DPP10: variants seen among roughly 807,000 people sequenced by gnomAD.
The protein encoded by DPP10 is inactive dipeptidyl peptidase 10.
A neutral mutation model predicts 120.9 loss-of-function variants in DPP10; 33 were observed. The observed-to-expected ratio is 0.27, with a 90% CI of 0.21 to 0.37. The LOEUF (loss-of-function observed/expected upper bound fraction) is 0.37, where lower values mean the gene tolerates loss of function less well. DPP10 is among the 10% of genes least tolerant of loss of function. The pLI is 1.00. For synonymous variants in DPP10, 337 were observed against 326.1 expected (o/e 1.03, Z -0.36); for missense variants, 816 against 942.8 (o/e 0.87, Z 1.76).
chr2:115,841,326 A>T (rs1021097029), intron 25 of DPP10, among the ~76,000 whole-genome samples: 1 of 152,174 alleles, frequency 6.6e-6, no homozygotes, highest in Admixed American at 6.5e-5. Context: ...TTGCACTACC[A>T]TTTATGTCTG....
chr2:115,255,968 A>G (rs549671630), intron 1 of DPP10, among the ~76,000 whole-genome samples: 47 of 152,248 alleles, frequency 3.1e-4, no homozygotes, highest in African/African-American at 1.1e-3. Context: ...CCTGTTACCC[A>G]GTTCAAAAGC....
At chr2:115,212,364 C>T (rs896805962) in intron 1 of DPP10, among the ~76,000 whole-genome samples, 1 of 152,208 alleles carries the variant, frequency 6.6e-6, no homozygotes, top group Non-Finnish European at 1.5e-5. Flanking sequence ...CAGTGTTTCT[C>T]TTTGCCAAAG....
chr2:115,063,195 A>T (rs1233606149), intron 1 of DPP10, among the ~76,000 whole-genome samples: 1 of 152,112 alleles, frequency 6.6e-6, no homozygotes, highest in Non-Finnish European at 1.5e-5. Context: ...TCTTCTTTTG[A>T]GAAGTGTCTG....
chr2:115,227,341 G>A (rs9308711), intron 1 of DPP10, among the ~76,000 whole-genome samples: 120,641 of 152,100 alleles, frequency 0.79, 48,110 homozygotes, highest in East Asian at 0.89. Context: ...AATCATGTAT[G>A]AATAGTCTTC....
intron 3 of DPP10, among the ~76,000 whole-genome samples, chr2:115,449,973 A>G (rs1438400609): frequency 6.6e-6 from 1 of 152,046 alleles, no homozygotes; most frequent in African/African-American, 2.4e-5. Context: ...TTTTACCCCA[A>G]AAGCCCAAGA....
At chr2:114,628,066 C>A (rs564874262) in intron 1 of DPP10, among the ~76,000 whole-genome samples, 1 of 152,184 alleles carries the variant, frequency 6.6e-6, no homozygotes, top group South Asian at 2.1e-4. Context: ...AATATGAAAT[C>A]TTACTTTCAA....
chr2:114,629,165 A>G (rs1410729662), intron 1 of DPP10, among the ~76,000 whole-genome samples: 1 of 151,236 alleles, frequency 6.6e-6, no homozygotes, highest in African/African-American at 2.5e-5. Context: ...CTCGTTGATA[A>G]GATAAAAGCT....
intron 1 of DPP10, among the ~76,000 whole-genome samples, chr2:115,111,430 A>G (rs2049213012): frequency 1.3e-5 from 2 of 152,102 alleles, no homozygotes; most frequent in Non-Finnish European, 2.9e-5. Context: ...AGATTGAGTA[A>G]AAGAAAAAGC....
intron 1 of DPP10, among the ~76,000 whole-genome samples, chr2:114,466,004 C>T (rs907331444): frequency 1.3e-5 from 2 of 152,152 alleles, no homozygotes; most frequent in Non-Finnish European, 1.5e-5. Flanking sequence ...CCCACCCCTA[C>T]CTGCCTCTGG....
intron 1 of DPP10, among the ~76,000 whole-genome samples, chr2:115,143,645 T>G (rs554001344): frequency 6.6e-6 from 1 of 152,352 alleles, no homozygotes; most frequent in Admixed American, 6.5e-5. Context: ...TAGAGTCCAG[T>G]GGGCTTGATC....
At chr2:114,728,633 A>G (rs907958142) in intron 1 of DPP10, among the ~76,000 whole-genome samples, 22 of 152,138 alleles carry the variant, frequency 1.4e-4, no homozygotes, top group Non-Finnish European at 2.8e-4. Flanking sequence ...GGTTCACTAG[A>G]TAAGTAAGAT....
rs1573629213 is a variant in DPP10, at chr2:114,550,226, CA to C, written c.60+107390del. Among the ~76,000 whole-genome samples, 3 of 152,278 alleles carry C rather than the reference CA, an allele frequency of 2.0e-5. No individual in the cohort carries two copies. The East Asian group carries it at 5.8e-4, about 29-fold the overall frequency. ...TTCCTCAACATTCCCACACCATTCT[CA>C]AGACAAATCCCAAGGGTGTGAGCAT... On this transcript the variant is annotated intron_variant, in intron 1 of 25. Coordinates refer to ENST00000410059, the MANE Select transcript of DPP10 (RefSeq NM_020868.6).
At chr2:115,708,790 C>T (rs2092220015) in intron 7 of DPP10, among the ~76,000 whole-genome samples, 1 of 151,918 alleles carries the variant, frequency 6.6e-6, no homozygotes, top group African/African-American at 2.4e-5. Context: ...ACCACTTCAC[C>T]CTTTAAAATT....
At chr2:114,516,122 C>T (rs934279612) in intron 1 of DPP10, among the ~76,000 whole-genome samples, 1 of 152,130 alleles carries the variant, frequency 6.6e-6, no homozygotes, top group Non-Finnish European at 1.5e-5. Context: ...AGCATCTTCC[C>T]AGGTGCTGCA....
chr2:114,956,860 C>T (rs1040491902), intron 1 of DPP10, among the ~76,000 whole-genome samples: 11 of 151,612 alleles, frequency 7.3e-5, no homozygotes, highest in African/African-American at 2.7e-4. Context: ...ACAGTCTCTT[C>T]AATAACTGGT....
chr2:115,183,108 G>A (rs184890878), intron 1 of DPP10, among the ~76,000 whole-genome samples: 1 of 152,238 alleles, frequency 6.6e-6, no homozygotes, highest in Non-Finnish European at 1.5e-5. Flanking sequence ...ACTTCCCTTG[G>A]AATAATAAGC....
At position 115,845,339 on chromosome 2, in the gene DPP10, C is replaced by G. The variant is rs1259906073; in HGVS notation, c.*2994C>G. 1 of 152,240 alleles carries G rather than the reference C, an allele frequency of 6.6e-6. No individual in the cohort carries two copies. The highest frequency in any genetic ancestry group is 2.4e-5 in the African/African-American group (1 of 41,452). 9.4% of individuals were successfully genotyped at this position (152,240 alleles called of 1,614,324 possible). On this transcript the variant is annotated 3_prime_UTR_variant, in exon 26 of 26. Coordinates refer to ENST00000410059, the MANE Select transcript of DPP10 (RefSeq NM_020868.6). The stretch of plus-strand genomic sequence containing the variant: ...TCTCAGCTCTGCTCACTTTCACTTT[C>G]TGTTCTGGGGATTCTCTGATACTAA...
Position 114,581,212 on chromosome 2 carries a change from T to G in DPP10, c.60+138374T>G, listed in dbSNP as rs1306129098. 2.9e-5 allele frequency among the ~76,000 whole-genome samples: 4 copies of G among 137,802 alleles called. No individual in the cohort carries two copies. The South Asian group carries it at 1.0e-3, about 34-fold the overall frequency. 90.4% of individuals were successfully genotyped at this position (137,802 alleles called of 152,430 possible). On this transcript the variant is annotated intron_variant, in intron 1 of 25. Coordinates refer to ENST00000410059, the MANE Select transcript of DPP10 (RefSeq NM_020868.6). Reference sequence around the variant, plus strand: ...TTTTTTTTTTTTTTGAGACAGTCTCTCTCTGTCGCCCAGGCTGGATGGAGT... The same window carrying G: ...TTTTTTTTTTTTTTGAGACAGTCTCGCTCTGTCGCCCAGGCTGGATGGAGT...
chr2:115,285,187 TC>T (rs1264490319), intron 1 of DPP10, among the ~76,000 whole-genome samples: 6 of 152,066 alleles, frequency 3.9e-5, no homozygotes, highest in Non-Finnish European at 8.8e-5. Context: ...CCTACGTCTC[TC>T]TACAGTGACA....
Sources: allele counts gnomAD v4.1 joint callset (sites outside exome capture counted in the v4.1 genomes callset), GRCh38; gene constraint gnomAD v4.1.1; transcripts MANE v1.5; gene names NCBI Gene and HGNC (gene_info 2026-07-23, HGNC 2026-07-21).